PRKCE: variants seen among roughly 807,000 people sequenced by gnomAD.
PRKCE encodes the protein protein kinase C epsilon type.
In PRKCE, 16 loss-of-function variants were observed where a neutral mutation model predicts 85.4. The observed-to-expected ratio is 0.19, with a 90% CI of 0.13 to 0.28. PRKCE has a LOEUF of 0.28. Among genes scored for constraint, PRKCE ranks in the 10% least tolerant of loss-of-function variants. PRKCE has a pLI of 1.00. For synonymous variants in PRKCE, 388 were observed against 371.5 expected, an observed-to-expected ratio of 1.04 and a Z score of -0.51; for missense variants, 573 against 975.2, an observed-to-expected ratio of 0.59 and a Z score of 5.49.
chr2:45,923,015 C>T (rs1698365611), intron 2 of PRKCE, among the ~76,000 whole-genome samples: 1 of 152,116 alleles, frequency 6.6e-6, no homozygotes, highest in Non-Finnish European at 1.5e-5. Flanking sequence ...GAGAAAATAC[C>T]ACACACCTTC....
chr2:45,677,494 C>A (rs575763594), intron 1 of PRKCE, among the ~76,000 whole-genome samples: 1 of 152,116 alleles, frequency 6.6e-6, no homozygotes, highest in African/African-American at 2.4e-5. Context: ...GTAGCTGGGA[C>A]TACAGGCGCC....
At chr2:45,687,376 C>T (rs1488552660) in intron 1 of PRKCE, among the ~76,000 whole-genome samples, 1 of 152,032 alleles carries the variant, frequency 6.6e-6, no homozygotes, top group African/African-American at 2.4e-5. Context: ...ATCCAACTTA[C>T]AATAGGTTAC....
chr2:45,804,054 G>A (rs1688066948), intron 1 of PRKCE, among the ~76,000 whole-genome samples: 1 of 152,168 alleles, frequency 6.6e-6, no homozygotes, highest in South Asian at 2.1e-4. Context: ...CTAGACAGAG[G>A]GTCCTGGGTT....
intron 11 of PRKCE, among the ~76,000 whole-genome samples, chr2:46,100,074 G>T (rs1671062194): frequency 6.6e-6 from 1 of 152,200 alleles, no homozygotes; most frequent in African/African-American, 2.4e-5. Flanking sequence ...CAGACTGGAT[G>T]ATCTAGCTCT....
At chr2:46,054,707 AG>A (rs1666393671) in intron 10 of PRKCE, among the ~76,000 whole-genome samples, 1 of 152,230 alleles carries the variant, frequency 6.6e-6, no homozygotes, top group Non-Finnish European at 1.5e-5. Context: ...CCTACCCTCA[AG>A]CCTAATACCG....
At chr2:45,820,148 C>T (rs1217533058) in intron 1 of PRKCE, among the ~76,000 whole-genome samples, 1 of 152,112 alleles carries the variant, frequency 6.6e-6, no homozygotes, top group Non-Finnish European at 1.5e-5. Flanking sequence ...AACATCACGG[C>T]GCATCAGCTT....
At chr2:46,079,688 C>T (rs534610821) in intron 10 of PRKCE, among the ~76,000 whole-genome samples, 5 of 152,310 alleles carry the variant, frequency 3.3e-5, no homozygotes, top group East Asian at 1.9e-4. Context: ...AATCTTTGCA[C>T]GTATAAACAG....
In PRKCE at chr2:45,744,543, T is replaced by C. The variant is rs1421436510; in HGVS notation, c.348+92095T>C. 6.0e-5 allele frequency among the ~76,000 whole-genome samples: 5 copies of C among 83,382 alleles called. 1 individual carries two copies. The highest frequency in any genetic ancestry group is 1.5e-4 in the African/African-American group (3 of 20,476). 54.7% of individuals were successfully genotyped at this position (83,382 alleles called of 152,430 possible). A position where few individuals can be genotyped will look rare whatever the true frequency, so the allele number is the denominator to read the frequency against. Reference sequence around the variant, plus strand: ...TTCTTTCTTTTTCTTTCCTTCTTTCTTTCTTTCTTCCTTCCTTCCTTCCTT... The same window carrying C: ...TTCTTTCTTTTTCTTTCCTTCTTTCCTTCTTTCTTCCTTCCTTCCTTCCTT... On this transcript the variant is annotated intron_variant, in intron 1 of 14. Coordinates refer to ENST00000306156, the MANE Select transcript of PRKCE (RefSeq NM_005400.3).
chr2:45,724,465 A>T (rs1434202709), intron 1 of PRKCE, among the ~76,000 whole-genome samples: 1 of 152,200 alleles, frequency 6.6e-6, no homozygotes, highest in African/African-American at 2.4e-5. Flanking sequence ...ATGACCTCTA[A>T]GTGTTCCAGT....
In PRKCE at chr2:45,786,281, C is replaced by T. The variant is rs972300120; in HGVS notation, c.349-56719C>T. Among the ~76,000 whole-genome samples the T allele has an allele frequency of 6.6e-6, 1 of 152,128 alleles. No individual in the cohort carries two copies. Among genetic ancestry groups the T allele is most frequent in the African/African-American group, 2.4e-5 (1 of 41,424 alleles). The stretch of plus-strand genomic sequence containing the variant: ...GCGTCTCTGTGTCTCCCTGGCCTGG[C>T]CACACAGTAGAATTCATCCCAAGTT... On this transcript the variant is annotated intron_variant, in intron 1 of 14. Transcript: ENST00000306156. The surrounding 1 kb of genome is among the most constrained non-coding windows in gnomAD (Gnocchi z 5.3).
intron 2 of PRKCE, among the ~76,000 whole-genome samples, chr2:45,974,983 A>G (rs1438215830): frequency 1.3e-5 from 2 of 152,198 alleles, no homozygotes; most frequent in African/African-American, 4.8e-5. Flanking sequence ...AGCCACTCAG[A>G]TGAGAGCTTG....
chr2:45,773,851 C>T (rs1016807459), intron 1 of PRKCE, among the ~76,000 whole-genome samples: 8 of 152,174 alleles, frequency 5.3e-5, no homozygotes, highest in African/African-American at 1.2e-4. Context: ...CCCTGGGGCT[C>T]CTGTACCTAC....
intron 1 of PRKCE, among the ~76,000 whole-genome samples, chr2:45,755,394 T>A (rs189380867): frequency 1.3e-5 from 2 of 152,188 alleles, no homozygotes; most frequent in Non-Finnish European, 2.9e-5. Context: ...GAAATAAATC[T>A]GAGGTGGTCC....
At chr2:46,000,145 TTTTTG>T (rs1558941063) in intron 6 of PRKCE, among the ~76,000 whole-genome samples, 1 of 151,610 alleles carries the variant, frequency 6.6e-6, no homozygotes, top group Non-Finnish European at 1.5e-5. Context: ...TTTTGGGGTT[TTTTTG>T]TTTTTTTTTT....
chr2:46,158,533 C>T (rs776126945), intron 13 of PRKCE, among the ~76,000 whole-genome samples: 3 of 152,154 alleles, frequency 2.0e-5, no homozygotes, highest in Non-Finnish European at 4.4e-5. Context: ...CCCCTCCAAT[C>T]GCATTGAACT....
chr2:46,156,889 T>A (rs1408238207), intron 13 of PRKCE, among the ~76,000 whole-genome samples: 1 of 152,260 alleles, frequency 6.6e-6, no homozygotes, highest in South Asian at 2.1e-4. Flanking sequence ...TCTCTACTTA[T>A]GTTTTGAGGC....
chr2:45,712,137 CTTTTT>C (rs34233761), intron 1 of PRKCE, among the ~76,000 whole-genome samples: 1 of 45,838 alleles, frequency 2.2e-5, no homozygotes, highest in Admixed American at 3.6e-4. Context: ...ACGGCCTGTC[CTTTTT>C]TTTTTTTTTT....
intron 1 of PRKCE, among the ~76,000 whole-genome samples, chr2:45,740,607 G>A (rs1682477511): frequency 1.3e-5 from 2 of 152,132 alleles, no homozygotes; most frequent in African/African-American, 4.8e-5. Flanking sequence ...CTCCCCAGGG[G>A]CCTGACTTTT....
At chr2:45,960,778 C>G (rs527851433) in intron 2 of PRKCE, among the ~76,000 whole-genome samples, 100 of 152,306 alleles carry the variant, frequency 6.6e-4, no homozygotes, top group African/African-American at 2.2e-3. Context: ...ATGCCAAGCA[C>G]CCATCAGCCT....
Sources: gnomAD v4.1 joint callset for allele counts (sites outside exome capture counted in the v4.1 genomes callset) on GRCh38, gnomAD v4.1.1 for gene constraint, Gnocchi (gnomAD v3.1) non-coding constraint, MANE v1.5 for transcripts, NCBI Gene and HGNC (gene_info 2026-07-23, HGNC 2026-07-21) for gene names.